URB2: variants seen among roughly 807,000 people sequenced by gnomAD.
The protein encoded by URB2 is URB2 ribosome biogenesis homolog.
A neutral mutation model predicts 120.9 loss-of-function variants in URB2; 86 were observed. That is an observed-to-expected ratio of 0.71 (90% confidence interval 0.60 to 0.85). The LOEUF (loss-of-function observed/expected upper bound fraction) is 0.85. Among genes scored for constraint, URB2 ranks in the 40% least tolerant of loss-of-function variants. URB2 has a pLI of 0.00. For synonymous variants in URB2, 755 were observed against 758.4 expected, an observed-to-expected ratio of 1.00 and a Z score of 0.07; for missense variants, 1,765 against 1,836.5, an observed-to-expected ratio of 0.96 and a Z score of 0.71.
chr1:229,649,785 A>G (rs897898751), intron 7 of URB2, among the ~76,000 whole-genome samples: 3 of 152,194 alleles, frequency 2.0e-5, no homozygotes, highest in East Asian at 1.9e-4. Flanking sequence ...AGCACTTTAC[A>G]TGGCTTAGCT....
intron 7 of URB2, among the ~76,000 whole-genome samples, chr1:229,649,254 C>G (rs958776350): frequency 6.6e-6 from 1 of 152,200 alleles, no homozygotes; most frequent in Non-Finnish European, 1.5e-5. Context: ...GCTAAACACT[C>G]ATGACATTGG....
At chr1:229,651,810 T>C (rs1666280918) in intron 8 of URB2, among the ~76,000 whole-genome samples, 3 of 152,220 alleles carry the variant, frequency 2.0e-5, no homozygotes, top group South Asian at 4.1e-4. Flanking sequence ...CAATAGCATA[T>C]ATTATGTGTA....
chr1:229,639,199 GT>G (rs781047907), intron 4 of URB2, among the ~76,000 whole-genome samples: 2 of 152,100 alleles, frequency 1.3e-5, no homozygotes, highest in South Asian at 2.1e-4. Flanking sequence ...GGAGGTTGAA[GT>G]GGGAGGATCA....
At chr1:229,631,909 G>C (rs1665676202) in intron 2 of URB2, among the ~76,000 whole-genome samples, 1 of 152,160 alleles carries the variant, frequency 6.6e-6, no homozygotes. Flanking sequence ...CTTGGCACAG[G>C]GTTGCCATAA....
Position 229,637,832 on chromosome 1 carries a change from GC to G in URB2, c.3220del (p.Gln1074ArgfsTer109). On this transcript the variant is annotated frameshift_variant, in exon 4 of 10. Transcript: ENST00000258243. LOFTEE classifies it high-confidence loss of function. ...CHVLGPFLKEQKLGQEAPAAL... is the reference protein window; with the variant it reads ...CHVLGPFLKEXKLGQEAPAAL... Reference sequence around the variant, plus strand: ...ATGTCCTGGGACCTTTCCTCAAAGAGCAGAAGCTGGGCCAAGAGGCCCCAGC... The same window carrying G: ...ATGTCCTGGGACCTTTCCTCAAAGAGAGAAGCTGGGCCAAGAGGCCCCAGC... 1 of 1,607,792 alleles carries G rather than the reference GC, an allele frequency of 6.2e-7. No homozygotes were observed. The highest frequency in any genetic ancestry group is 8.5e-7 in the Non-Finnish European group (1 of 1,177,564).
At chr1:229,632,013 G>C (rs1281931943) in intron 2 of URB2, among the ~76,000 whole-genome samples, 1 of 152,168 alleles carries the variant, frequency 6.6e-6, no homozygotes, top group Non-Finnish European at 1.5e-5. Context: ...AGACGTGTTA[G>C]TTTCACCTGA....
At chr1:229,639,915 A>G (rs894748904) in intron 4 of URB2, among the ~76,000 whole-genome samples, 1 of 152,210 alleles carries the variant, frequency 6.6e-6, no homozygotes, top group Non-Finnish European at 1.5e-5. Flanking sequence ...ATGGGTTACT[A>G]TGCAGCCGTT....
In URB2 at chr1:229,636,427, C is replaced by T; in HGVS notation, c.1814C>T (p.Ser605Phe). 1.9e-6 allele frequency: 3 copies of T among 1,614,242 alleles called. No homozygotes were observed. Among genetic ancestry groups the T allele is most frequent in the Non-Finnish European group, 2.5e-6 (3 of 1,180,038 alleles). Residue 605 changes from serine to phenylalanine, a missense_variant, in exon 4 of 10, where the codon TCT becomes TTT. Ser to Phe is a radical substitution (Grantham distance 155). Transcript: ENST00000258243. Reference protein sequence around the residue: ...PELWLQKVSDSVLLLSYTWAQ... With the variant: ...PELWLQKVSDFVLLLSYTWAQ... Reference sequence around the variant, plus strand: ...CTGTGGCTGCAGAAGGTCAGTGACTCTGTGCTCCTGCTCTCTTACACTTGG... The same window carrying T: ...CTGTGGCTGCAGAAGGTCAGTGACTTTGTGCTCCTGCTCTCTTACACTTGG...
chr1:229,638,609 G>A (rs1281982936), intron 4 of URB2, among the ~76,000 whole-genome samples: 2 of 151,332 alleles, frequency 1.3e-5, no homozygotes, highest in African/African-American at 2.4e-5. Flanking sequence ...TCGCGCCACT[G>A]CACTCTAGCT....
chr1:229,635,334 T>C lies in URB2; in HGVS notation c.721T>C (p.Phe241Leu). 1 of 1,614,178 alleles carries C rather than the reference T, an allele frequency of 6.2e-7. No individual in the cohort carries two copies. The highest frequency in any genetic ancestry group is 1.1e-5 in the South Asian group (1 of 91,072). The change falls in exon 4 of 10, where the codon TTC becomes CTC. Residue 241 changes from phenylalanine to leucine, a missense_variant. By Grantham distance (22) the Phe-to-Leu change is conservative. Transcript: ENST00000258243. Reference sequence around the variant, plus strand: ...CATCAGGAGTCAGATTGAGGCCATGTTCCGAGGAGGGATTTTTCAGCCTGA... The same window carrying C: ...CATCAGGAGTCAGATTGAGGCCATGCTCCGAGGAGGGATTTTTCAGCCTGA... Reference protein sequence around the residue: ...RDIRSQIEAMFRGGIFQPELL... With the variant: ...RDIRSQIEAMLRGGIFQPELL...
At chr1:229,645,423 G>T (rs144883923) in intron 5 of URB2, among the ~76,000 whole-genome samples, 15 of 152,168 alleles carry the variant, frequency 9.9e-5, no homozygotes, top group African/African-American at 3.6e-4. Context: ...CACCTAATCC[G>T]ATTGTTTTCA....
rs752823556 is a variant in URB2 at position 229,635,977 on chromosome 1, C to G, written c.1364C>G (p.Thr455Ser). The G allele has an allele frequency of 6.2e-7, 1 of 1,614,218 alleles. No homozygotes were observed. Among genetic ancestry groups the G allele is most frequent in the East Asian group, 2.2e-5 (1 of 44,888 alleles). Residue 455 changes from threonine to serine, a missense_variant, in exon 4 of 10, where the codon ACT becomes AGT. Physicochemically the swap from Thr to Ser is moderately conservative, Grantham distance 58 (BLOSUM62 1). Coordinates refer to ENST00000258243, the MANE Select transcript of URB2 (RefSeq NM_014777.4). ...TKKAQEALIRTVFQTYAKLRQ... is the reference protein window; with the variant it reads ...TKKAQEALIRSVFQTYAKLRQ... Reference sequence around the variant, plus strand: ...AAAGCCCAGGAGGCGCTTATTCGTACTGTCTTCCAGACTTATGCCAAACTC... The same window carrying G: ...AAAGCCCAGGAGGCGCTTATTCGTAGTGTCTTCCAGACTTATGCCAAACTC...
chr1:229,647,793 C>A (rs144836728), intron 7 of URB2, 41 bp downstream of exon 7: 286 of 1,597,840 alleles, frequency 1.8e-4, no homozygotes, highest in Non-Finnish European at 2.4e-4. Flanking sequence ...TTTTCCTCTG[C>A]GAGCAGGGTA....
Position 229,638,227 on chromosome 1 carries a change from CTG to C in URB2, c.3617_3618del (p.Val1206GlufsTer8). The C allele has an allele frequency of 6.2e-7, 1 of 1,605,888 alleles. No individual in the cohort carries two copies. Among genetic ancestry groups the C allele is most frequent in the Non-Finnish European group, 8.5e-7 (1 of 1,175,748 alleles). ...TCCGTGTTTACCTCCATGTTTCATT[CTG>C]TGAGAAGAGTTCTTGCAGGTAAGAT... On this transcript the variant is annotated frameshift_variant, in exon 4 of 10. Coordinates refer to ENST00000258243, the MANE Select transcript of URB2 (RefSeq NM_014777.4). LOFTEE classifies it high-confidence loss of function.
rs988295359 is a variant in URB2 at position 229,636,412 on chromosome 1, A to G, written c.1799A>G (p.Gln600Arg). The G allele has an allele frequency of 2.5e-6, 4 of 1,614,236 alleles. No homozygotes were observed. The highest frequency in any genetic ancestry group is 3.3e-4 in the Middle Eastern group (2 of 6,062). The change falls in exon 4 of 10, where the codon CAG (glutamine) becomes CGG (arginine). Residue 600 changes from glutamine (Q) to arginine (R), a missense_variant. Gln to Arg is a conservative substitution (Grantham distance 43). Transcript: ENST00000258243. The stretch of plus-strand genomic sequence containing the variant: ...GGCCCAGAGCCAGAGCTGTGGCTGC[A>G]GAAGGTCAGTGACTCTGTGCTCCTG... ...TPGPEPELWL[Q>R]KVSDSVLLLS...
At position 229,654,331 on chromosome 1, in the gene URB2, G is replaced by C. The variant is rs752789902; in HGVS notation, c.4320G>C (p.Glu1440Asp). Reference sequence around the variant, plus strand: ...ACAGCCACATCGCCGCACGAGCTGAGGAGTTTGCTGTGTTTTCCCCATTTA... The same window carrying C: ...ACAGCCACATCGCCGCACGAGCTGACGAGTTTGCTGTGTTTTCCCCATTTA... ...RMYSHIAARAEEFAVFSPFMV... is the reference protein window; with the variant it reads ...RMYSHIAARADEFAVFSPFMV... Residue 1440 changes from glutamate to aspartate, a missense_variant, in exon 9 of 10, where the codon GAG becomes GAC. Transcript: ENST00000258243. 1.2e-6 allele frequency: 2 copies of C among 1,614,182 alleles called. No homozygotes were observed. The highest frequency in any genetic ancestry group is 1.7e-6 in the Non-Finnish European group (2 of 1,180,028).
rs146345968 is a variant in URB2, at chr1:229,635,949, A to G, written c.1336A>G (p.Lys446Glu). The G allele has an allele frequency of 6.2e-7, 1 of 1,614,212 alleles. No homozygotes were observed. The highest frequency in any genetic ancestry group is 1.1e-5 in the South Asian group (1 of 91,088). The change falls in exon 4 of 10, where the codon AAA becomes GAA. Residue 446 changes from lysine (K) to glutamate (E), a missense_variant. Transcript: ENST00000258243. ...TGCCGAGGTAACAGAGTTTCGAACCAAAAAAGCCCAGGAGGCGCTTATTCG... is the reference window on the plus strand; with the variant it reads ...TGCCGAGGTAACAGAGTTTCGAACCGAAAAAGCCCAGGAGGCGCTTATTCG... ...IDAEVTEFRT[K>E]KAQEALIRTV...
Position 229,637,727 on chromosome 1 carries a change from G to A in URB2, c.3114G>A (p.Glu1038=), listed in dbSNP as rs1224114146. Residue 1038 remains glutamate, a synonymous_variant, in exon 4 of 10, where the codon GAG becomes GAA. Coordinates refer to ENST00000258243, the MANE Select transcript of URB2 (RefSeq NM_014777.4). ...TCTCTAGTTCCAAACCATACACGGA[G>A]GCAGCTTCAAGCAAACAATTAGAAA... ...AFLSSSKPYT[E]AASSKQLENQ... is the part of the protein sequence containing the mutation. 1 of 1,614,164 alleles carries A rather than the reference G, an allele frequency of 6.2e-7. No individual in the cohort carries two copies. Among genetic ancestry groups the A allele is most frequent in the Non-Finnish European group, 8.5e-7 (1 of 1,180,038 alleles).
chr1:229,643,403 T>A (rs1026696220), intron 4 of URB2, 130 bp from the exon 5 acceptor site: 57 of 1,023,614 alleles, frequency 5.6e-5, no homozygotes, highest in Middle Eastern at 2.8e-4. Flanking sequence ...CCACCAGTGC[T>A]TATATCACCA....
Sources: gnomAD v4.1 joint callset for allele counts (sites outside exome capture counted in the v4.1 genomes callset) on GRCh38, gnomAD v4.1.1 for gene constraint, MANE v1.5 for transcripts, NCBI Gene and HGNC (gene_info 2026-07-23, HGNC 2026-07-21) for gene names.